MAST2: variants seen among roughly 807,000 people sequenced by gnomAD.
MAST2 encodes microtubule associated serine/threonine kinase 2.
A neutral mutation model predicts 147.4 loss-of-function variants in MAST2; 70 were observed. The observed-to-expected ratio is 0.47, with a 90% CI of 0.39 to 0.58. MAST2 has a LOEUF of 0.58. MAST2 is among the 20% of genes least tolerant of loss of function. The probability of loss-of-function intolerance (pLI) is 0.00; values close to 1 mark genes in which losing one functional copy is unlikely to be tolerated. For synonymous variants in MAST2, 869 were observed against 896.8 expected, an observed-to-expected ratio of 0.97 and a Z score of 0.55; for missense variants, 2,080 against 2,302.3, an observed-to-expected ratio of 0.90 and a Z score of 1.98.
intron 4 of MAST2, among the ~76,000 whole-genome samples, chr1:45,905,837 A>C (rs892843521): frequency 1.3e-5 from 2 of 152,262 alleles, no homozygotes; most frequent in African/African-American, 4.8e-5. Context: ...TCAAATGGTA[A>C]CTGGTAAGTG....
At chr1:45,997,609 C>A (rs1471427530) in intron 5 of MAST2, 115 bp from the exon 6 acceptor site, 3 of 760,346 alleles carry the variant, frequency 3.9e-6, no homozygotes, top group Non-Finnish European at 2.3e-6. Context: ...GATAGTGGCC[C>A]TGAGAAAATA....
chr1:45,862,635 A>G (rs1375087003), intron 3 of MAST2, among the ~76,000 whole-genome samples: 1 of 151,892 alleles, frequency 6.6e-6, no homozygotes, highest in Non-Finnish European at 1.5e-5. Flanking sequence ...ATGCCTGGCT[A>G]ATTTTTGTAT....
At chr1:45,909,433 CG>C (rs1557893442) in intron 4 of MAST2, among the ~76,000 whole-genome samples, 2 of 151,932 alleles carry the variant, frequency 1.3e-5, no homozygotes, top group Non-Finnish European at 2.9e-5. Context: ...TTTAAACCAT[CG>C]GAGGAGAGGG....
chr1:46,035,539 A>T lies in MAST2; in HGVS notation c.4870A>T (p.Thr1624Ser). ...TTGCTGGAAGGCCCAGCACCTCCAC[A>T]CCCAGGCACTAACAGCACTTTCTCC... ...EGCWKAQHLH[T>S]QALTALSPST... Residue 1624 changes from threonine to serine, a missense_variant, in exon 29 of 29, where the codon ACC becomes TCC. Physicochemically the swap from Thr to Ser is moderately conservative, Grantham distance 58. Transcript: ENST00000361297. The surrounding 1 kb of genome is among the most constrained non-coding windows in gnomAD (Gnocchi z 5.5). 1.2e-6 allele frequency: 2 copies of T among 1,613,246 alleles called. No individual in the cohort carries two copies. The highest frequency in any genetic ancestry group is 1.7e-6 in the Non-Finnish European group (2 of 1,179,956).
chr1:45,974,231 G>A (rs1194883789), intron 5 of MAST2, among the ~76,000 whole-genome samples: 3 of 152,156 alleles, frequency 2.0e-5, no homozygotes, highest in Admixed American at 2.0e-4. Context: ...TAGGAATAGG[G>A]GAGGATGTGG....
intron 1 of MAST2, among the ~76,000 whole-genome samples, chr1:45,810,420 G>A (rs369674205): frequency 1.3e-5 from 2 of 152,124 alleles, no homozygotes; most frequent in Admixed American, 6.6e-5. Flanking sequence ...AACTATAATC[G>A]GTTTGTTATT....
At chr1:45,947,328 A>C (rs2148836299) in intron 4 of MAST2, among the ~76,000 whole-genome samples, 2 of 149,856 alleles carry the variant, frequency 1.3e-5, no homozygotes, top group East Asian at 3.9e-4. Flanking sequence ...AAAAAAAAAA[A>C]AAACCCAAAC....
intron 4 of MAST2, among the ~76,000 whole-genome samples, chr1:45,907,186 T>C (rs1011868737): frequency 6.6e-6 from 1 of 152,196 alleles, no homozygotes; most frequent in Admixed American, 6.5e-5. Context: ...TTGTGACTTA[T>C]TTTTCTCCAG....
chr1:45,840,462 C>T (rs1645239933), intron 3 of MAST2, among the ~76,000 whole-genome samples: 1 of 152,184 alleles, frequency 6.6e-6, no homozygotes, highest in African/African-American at 2.4e-5. Context: ...TGTTCCACAT[C>T]CTACTCCTGC....
At chr1:45,930,426 G>GTTTTGT (rs1430262543) in intron 4 of MAST2, among the ~76,000 whole-genome samples, 1 of 150,616 alleles carries the variant, frequency 6.6e-6, no homozygotes, top group East Asian at 1.9e-4. Flanking sequence ...GTTTTGTTTT[G>GTTTTGT]TTTATCTTAT....
intron 4 of MAST2, among the ~76,000 whole-genome samples, chr1:45,930,854 A>G (rs944767908): frequency 2.0e-5 from 3 of 152,194 alleles, no homozygotes; most frequent in African/African-American, 7.2e-5. Context: ...ACAAAAAACA[A>G]GGAATATGTG....
chr1:46,034,172 G>A lies in MAST2; in HGVS notation c.3774G>A (p.Gly1258=). The A allele has an allele frequency of 6.2e-7, 1 of 1,614,154 alleles. No homozygotes were observed. The highest frequency in any genetic ancestry group is 8.5e-7 in the Non-Finnish European group (1 of 1,180,026). Residue 1258 remains glycine, a synonymous_variant, in exon 28 of 29, where the codon GGG becomes GGA. Coordinates refer to ENST00000361297, the MANE Select transcript of MAST2 (RefSeq NM_015112.3). ...LSSLNRSLSS[G]ESGPGSPTHS... ...CCCTTAACCGCTCCTTGTCATCAGG[G>A]GAGAGTGGGCCAGGCTCTCCCACAC...
chr1:45,967,506 A>G (rs1388253947), intron 5 of MAST2, among the ~76,000 whole-genome samples: 1 of 152,254 alleles, frequency 6.6e-6, no homozygotes, highest in African/African-American at 2.4e-5. Flanking sequence ...TAACAAAATA[A>G]GCTAGAGAAA....
chr1:45,871,094 A>C (rs895491094), intron 3 of MAST2, among the ~76,000 whole-genome samples: 1 of 151,918 alleles, frequency 6.6e-6, no homozygotes, highest in African/African-American at 2.4e-5. Context: ...AAAAAAAAAA[A>C]AAAGTCCTGT....
At chr1:45,882,265 A>G (rs1646887642) in intron 3 of MAST2, 99 bp from the exon 4 acceptor site, 1 of 692,800 alleles carries the variant, frequency 1.4e-6, no homozygotes, top group Non-Finnish European at 2.5e-6. Flanking sequence ...GGCCTTTTCC[A>G]TTATTAAGAT....
intron 1 of MAST2, among the ~76,000 whole-genome samples, chr1:45,814,192 A>G (rs191919731): frequency 2.6e-5 from 4 of 152,264 alleles, no homozygotes; most frequent in Non-Finnish European, 5.9e-5. Flanking sequence ...TTCTACTGTT[A>G]TTTTAGAGTG....
intron 2 of MAST2, among the ~76,000 whole-genome samples, chr1:45,826,483 G>A (rs908107946): frequency 6.6e-6 from 1 of 152,086 alleles, no homozygotes; most frequent in African/African-American, 2.4e-5. Context: ...CTCTTAAGTA[G>A]GTAGGACTAC....
chr1:46,010,835 G>T lies in MAST2; in HGVS notation c.1084G>T (p.Val362Leu), dbSNP rs772618952. ...AGCCCTGAGCTTTATTCATCATCAG[G>T]TGATTGAGATGGCCCGAGACTGCCT... Reference protein sequence around the residue: ...DGALSFIHHQVIEMARDCLDK... With the variant: ...DGALSFIHHQLIEMARDCLDK... Residue 362 changes from valine (V) to leucine (L), a missense_variant, in exon 10 of 29, where the codon GTG becomes TTG. Physicochemically the swap from Val to Leu is conservative, Grantham distance 32. Transcript: ENST00000361297. 6.2e-7 allele frequency: 1 copy of T among 1,614,238 alleles called. No homozygotes were observed. Among genetic ancestry groups the T allele is most frequent in the African/African-American group, 1.3e-5 (1 of 75,066 alleles).
chr1:45,994,606 T>A (rs1644981516), intron 5 of MAST2, among the ~76,000 whole-genome samples: 2 of 151,926 alleles, frequency 1.3e-5, no homozygotes, highest in Admixed American at 6.6e-5. Context: ...GCCCCAACCC[T>A]CCAATTACAT....
Sources: allele counts gnomAD v4.1 joint callset (sites outside exome capture counted in the v4.1 genomes callset), GRCh38; gene constraint gnomAD v4.1.1; non-coding constraint Gnocchi (gnomAD v3.1); transcripts MANE v1.5; gene names NCBI Gene and HGNC (gene_info 2026-07-23, HGNC 2026-07-21).